The following MTUS2 variants were observed in gnomAD, a reference collection of about 807,000 sequenced individuals.
MTUS2 encodes the protein microtubule associated scaffold protein 2, also known as microtubule-associated tumor suppressor candidate 2.
Under a neutral mutation model 114.1 loss-of-function variants are expected in MTUS2, and 40 were observed. The observed-to-expected ratio is 0.35, with a 90% CI of 0.27 to 0.46. The LOEUF is 0.46. MTUS2 is among the 20% of genes least tolerant of loss of function. The probability of loss-of-function intolerance (pLI) is 1.00; values close to 1 mark genes in which losing one functional copy is unlikely to be tolerated. For synonymous variants in MTUS2, 688 were observed against 672.0 expected, an observed-to-expected ratio of 1.02 and a Z score of -0.37; for missense variants, 1,679 against 1,705.4, an observed-to-expected ratio of 0.98 and a Z score of 0.27.
chr13:28,940,780 C>T (rs1410255694), intron 2 of MTUS2, among the ~76,000 whole-genome samples: 1 of 151,996 alleles, frequency 6.6e-6, no homozygotes, highest in Non-Finnish European at 1.5e-5. Context: ...TAGAAAACTA[C>T]GCCAAACAAA....
At chr13:29,291,259 C>T (rs1048826646) in intron 6 of MTUS2, among the ~76,000 whole-genome samples, 4 of 152,146 alleles carry the variant, frequency 2.6e-5, no homozygotes, top group Non-Finnish European at 5.9e-5. Flanking sequence ...CCTGTGGTCT[C>T]CTCCTCCAGG....
intron 6 of MTUS2, among the ~76,000 whole-genome samples, chr13:29,285,914 G>C (rs988708576): frequency 2.6e-5 from 4 of 152,162 alleles, no homozygotes; most frequent in African/African-American, 7.2e-5. Context: ...GCTATATGGT[G>C]ATATTAAGGA....
At chr13:29,030,611 T>G (rs1170350025) in intron 3 of MTUS2, among the ~76,000 whole-genome samples, 8 of 152,350 alleles carry the variant, frequency 5.3e-5, no homozygotes, top group Non-Finnish European at 7.3e-5. Context: ...AACAGCCGAC[T>G]TCTTCTGCCA....
At chr13:29,482,573 T>C (rs1199076388) in intron 10 of MTUS2, among the ~76,000 whole-genome samples, 2 of 152,212 alleles carry the variant, frequency 1.3e-5, no homozygotes, top group Non-Finnish European at 2.9e-5. Context: ...GTGCATTGTA[T>C]GTACGCAAAG....
intron 8 of MTUS2, among the ~76,000 whole-genome samples, chr13:29,394,928 C>T (rs752368213): frequency 6.6e-5 from 10 of 152,134 alleles, no homozygotes; most frequent in Non-Finnish European, 1.0e-4. Flanking sequence ...ACCCCCCACC[C>T]GCCTGTCTGT....
chr13:28,844,590 A>AGTGTTTGTGTGT (rs1555267006), intron 2 of MTUS2, among the ~76,000 whole-genome samples: 2 of 148,100 alleles, frequency 1.4e-5, no homozygotes, highest in Non-Finnish European at 3.0e-5. Context: ...TTTGTGTGTG[A>AGTGTTTGTGTGT]GTGTGTGTGT....
At chr13:28,965,027 C>T (rs1338076032) in intron 2 of MTUS2, among the ~76,000 whole-genome samples, 1 of 152,092 alleles carries the variant, frequency 6.6e-6, no homozygotes, top group Non-Finnish European at 1.5e-5. Context: ...GCAATCACCC[C>T]ATGGCATATG....
At chr13:29,054,934 A>G (rs996401380) in intron 4 of MTUS2, among the ~76,000 whole-genome samples, 11 of 152,012 alleles carry the variant, frequency 7.2e-5, no homozygotes, top group Non-Finnish European at 1.6e-4. Flanking sequence ...TGTTCAGGGA[A>G]CACGCTTTGT....
chr13:29,262,525 G>C (rs1274851947), intron 5 of MTUS2, among the ~76,000 whole-genome samples: 1 of 151,574 alleles, frequency 6.6e-6, no homozygotes, highest in Non-Finnish European at 1.5e-5. Context: ...TAAACAGCAG[G>C]AGAACTTTTT....
chr13:28,829,908 A>G (rs191481137), intron 1 of MTUS2, among the ~76,000 whole-genome samples: 13 of 152,346 alleles, frequency 8.5e-5, no homozygotes, highest in East Asian at 1.9e-4. Context: ...TAAGGCCTTA[A>G]TCTGTCATCT....
At chr13:29,336,913 C>T (rs1901092489) in intron 7 of MTUS2, among the ~76,000 whole-genome samples, 1 of 152,230 alleles carries the variant, frequency 6.6e-6, no homozygotes, top group East Asian at 1.9e-4. Context: ...CTGCCCAGTT[C>T]AAACCTCCCA....
At chr13:29,166,364 AC>A (rs1239574041) in intron 5 of MTUS2, among the ~76,000 whole-genome samples, 2 of 152,150 alleles carry the variant, frequency 1.3e-5, no homozygotes, top group Non-Finnish European at 1.5e-5. Flanking sequence ...GACCAAAAGA[AC>A]CCTTCAACAC....
chr13:29,128,465 A>G (rs1369999209), intron 5 of MTUS2, among the ~76,000 whole-genome samples: 2 of 152,190 alleles, frequency 1.3e-5, no homozygotes, highest in African/African-American at 2.4e-5. Context: ...CTTCAGGATT[A>G]TTTCGCATTA....
intron 2 of MTUS2, among the ~76,000 whole-genome samples, chr13:28,955,743 A>T (rs676041): frequency 0.79 from 119,404 of 151,488 alleles, 47,994 homozygotes; most frequent in East Asian, 1. Flanking sequence ...CACATGCCAG[A>T]TAGAATTCCA....
chr13:29,469,421 G>GA (rs1333987890), intron 9 of MTUS2, among the ~76,000 whole-genome samples: 4 of 152,102 alleles, frequency 2.6e-5, no homozygotes, highest in Admixed American at 2.0e-4. Context: ...GAGGTCAGGA[G>GA]TGGAGACCAT....
chr13:28,898,414 GGTT>G (rs1208381880), intron 2 of MTUS2, among the ~76,000 whole-genome samples: 2 of 152,132 alleles, frequency 1.3e-5, no homozygotes, highest in Admixed American at 6.5e-5. Flanking sequence ...GTTCCTCGTG[GGTT>G]GTTGTTTGGG....
rs552371091 is a variant in MTUS2, at chr13:28,824,185, C to A, written c.-316+3574C>A. Among the ~76,000 whole-genome samples the A allele has an allele frequency of 3.3e-5, 5 of 152,140 alleles. No homozygotes were observed. The East Asian group carries it at 7.7e-4, about 23-fold the overall frequency. Reference sequence around the variant, plus strand: ...CAAAGAATTTATCTTTTGTTCTAGCCCACACAAATGATAATAGGCCCCTGA... The same window carrying A: ...CAAAGAATTTATCTTTTGTTCTAGCACACACAAATGATAATAGGCCCCTGA... On this transcript the variant is annotated intron_variant, in intron 1 of 15. Transcript: ENST00000612955.
At chr13:28,905,261 G>A (rs1051899049) in intron 2 of MTUS2, among the ~76,000 whole-genome samples, 1 of 151,458 alleles carries the variant, frequency 6.6e-6, no homozygotes, top group African/African-American at 2.4e-5. Flanking sequence ...TCTCCTGCCT[G>A]ATTGCCCTGG....
intron 2 of MTUS2, among the ~76,000 whole-genome samples, chr13:28,999,360 C>T (rs1288330895): frequency 1.3e-5 from 2 of 152,204 alleles, no homozygotes; most frequent in African/African-American, 2.4e-5. Flanking sequence ...AGGAGGCAGT[C>T]TGCCCATTCT....
Sources: gnomAD v4.1 joint callset for allele counts (sites outside exome capture counted in the v4.1 genomes callset) on GRCh38, gnomAD v4.1.1 for gene constraint, MANE v1.5 for transcripts, NCBI Gene and HGNC (gene_info 2026-07-23, HGNC 2026-07-21) for gene names.